Variants in MYO16 observed in about 807,000 individuals in gnomAD.
The protein encoded by MYO16 is unconventional myosin-XVI.
In MYO16, 94 loss-of-function variants were observed where a neutral mutation model predicts 205.3. The ratio of observed to expected loss-of-function variants is 0.46; its 90% confidence interval spans 0.39 to 0.54. The LOEUF is 0.54. Ranked by LOEUF, MYO16 falls within the 20% of genes least tolerant of loss-of-function variation. The pLI, the probability that MYO16 is intolerant of heterozygous loss-of-function variation, is 0.00. For synonymous variants in MYO16, 988 were observed against 954.0 expected, an observed-to-expected ratio of 1.04 and a Z score of -0.66; for missense variants, 2,315 against 2,387.5, an observed-to-expected ratio of 0.97 and a Z score of 0.63.
intron 13 of MYO16, chr13:108,886,466 A>G: frequency 2.2e-6 from 1 of 456,170 alleles, no homozygotes; most frequent in South Asian, 1.5e-5. Flanking sequence ...CGAGAGAGTA[A>G]GTGGAGTAGA....
At chr13:108,779,896 A>G (rs1886245616) in intron 4 of MYO16, 1 of 152,170 alleles carries the variant, frequency 6.6e-6, no homozygotes, top group Non-Finnish European at 1.5e-5. Flanking sequence ...AGAGCAAAAC[A>G]TGGGTCGACC....
At chr13:108,701,806 A>G (rs1883317991) in intron 2 of MYO16, among the ~76,000 whole-genome samples, 1 of 152,160 alleles carries the variant, frequency 6.6e-6, no homozygotes, top group African/African-American at 2.4e-5. Context: ...AAAGAAAATT[A>G]TGTCTAAATC....
intron 12 of MYO16, among the ~76,000 whole-genome samples, chr13:108,870,887 C>T (rs1879017313): frequency 1.3e-5 from 2 of 152,002 alleles, no homozygotes; most frequent in South Asian, 2.1e-4. Context: ...TTAAATGTAG[C>T]TTTACTGAAT....
chr13:108,754,269 GAC>G (rs1317583513), intron 4 of MYO16, among the ~76,000 whole-genome samples: 1 of 151,548 alleles, frequency 6.6e-6, no homozygotes, highest in Non-Finnish European at 1.5e-5. Flanking sequence ...TAGCATGAAA[GAC>G]AAGCTGTAGC....
At chr13:108,540,646 T>A in the MYO16 span, among the ~76,000 whole-genome samples, 1 of 152,208 alleles carries the variant, frequency 6.6e-6, no homozygotes, top group South Asian at 2.1e-4. Flanking sequence ...ATAATATGAA[T>A]AATTTTTGCT....
At chr13:108,990,854 A>G (rs532571637) in intron 20 of MYO16, among the ~76,000 whole-genome samples, 62 of 152,208 alleles carry the variant, frequency 4.1e-4, no homozygotes, top group Non-Finnish European at 7.2e-4. Flanking sequence ...GAAGTGATGT[A>G]TTATAGACCC....
intron 33 of MYO16, 97 bp downstream of exon 33, chr13:109,165,156 G>A (rs911176359): frequency 3.4e-6 from 3 of 889,448 alleles, no homozygotes; most frequent in Admixed American, 2.9e-5. Flanking sequence ...ATGAAGTAGG[G>A]TTAAGAACTG....
the MYO16 span, among the ~76,000 whole-genome samples, chr13:108,498,994 C>T: frequency 6.6e-6 from 1 of 152,188 alleles, no homozygotes; most frequent in African/African-American, 2.4e-5. Flanking sequence ...GGGTGATTAG[C>T]ACCCTGTAAC....
chr13:108,990,133 C>A (rs961772938), intron 20 of MYO16, among the ~76,000 whole-genome samples: 2 of 142,544 alleles, frequency 1.4e-5, no homozygotes, highest in Non-Finnish European at 3.0e-5. Flanking sequence ...TGATGCAGCT[C>A]ATCACACAGA....
At chr13:108,499,824 G>T in the MYO16 span, among the ~76,000 whole-genome samples, 1 of 152,122 alleles carries the variant, frequency 6.6e-6, no homozygotes, top group Non-Finnish European at 1.5e-5. Flanking sequence ...CTTGTTCTTT[G>T]TAATTTCTGT....
chr13:109,048,336 AG>A, intron 24 of MYO16: 1 of 758,302 alleles, frequency 1.3e-6, no homozygotes, highest in Admixed American at 1.8e-5. Context: ...TTTATTCTTT[AG>A]GAGGAAGGTG....
intron 32 of MYO16, among the ~76,000 whole-genome samples, chr13:109,146,813 G>T (rs1191768145): frequency 2.8e-5 from 4 of 142,014 alleles, no homozygotes; most frequent in Admixed American, 2.8e-4. Flanking sequence ...AGAAAGAAGA[G>T]AGAAAGAAAG....
At chr13:108,925,327 G>A (rs1377851347) in intron 16 of MYO16, among the ~76,000 whole-genome samples, 3 of 152,122 alleles carry the variant, frequency 2.0e-5, no homozygotes, top group Admixed American at 6.5e-5. Context: ...ACCGAGCTCC[G>A]CCACTCCTCT....
In MYO16 at chr13:108,793,408, G is replaced by A. The variant is rs1319090079; in HGVS notation, c.617-108G>A. The A allele has an allele frequency of 1.3e-5, 14 of 1,053,592 alleles. No homozygotes were observed. In the Admixed American group the frequency reaches 3.3e-4, roughly 25 times the overall value. 65.3% of individuals were successfully genotyped at this position (1,053,592 alleles called of 1,614,324 possible). On this transcript the variant is annotated intron_variant, in intron 5 of 34. Coordinates refer to ENST00000457511, the MANE Select transcript of MYO16 (RefSeq NM_001198950.3). ...AATGAGTGTTCAAAGTGGAAGAGAA[G>A]CTTCAAAGAAAAACACATTGAAAGA...
intron 1 of MYO16, among the ~76,000 whole-genome samples, chr13:108,651,179 T>G (rs946813502): frequency 5.3e-5 from 8 of 152,256 alleles, no homozygotes; most frequent in Admixed American, 5.2e-4. Flanking sequence ...ACCTGGCCGG[T>G]GGGTGCCCTG....
At chr13:108,909,214 G>A (rs927365560) in intron 15 of MYO16, among the ~76,000 whole-genome samples, 1 of 151,952 alleles carries the variant, frequency 6.6e-6, no homozygotes, top group Admixed American at 6.6e-5. Context: ...CATCTTTTTG[G>A]CGTTGTTGAT....
chr13:108,746,873 A>G (rs1158528533), intron 4 of MYO16, among the ~76,000 whole-genome samples: 2 of 152,174 alleles, frequency 1.3e-5, no homozygotes, highest in Non-Finnish European at 2.9e-5. Context: ...TGAAATGCTG[A>G]ATACCAAACA....
chr13:108,629,789 T>C lies in MYO16; in HGVS notation c.-56T>C. ...GTAATGCATTTCCTGGGAACGACAG[T>C]TGTGACAGAAGAGAATGCTGGAACC... On this transcript the variant is annotated 5_prime_UTR_variant, in exon 1 of 35. Coordinates refer to ENST00000457511, the MANE Select transcript of MYO16 (RefSeq NM_001198950.3). The C allele has an allele frequency of 1.3e-6, 2 of 1,493,634 alleles. No individual in the cohort carries two copies. The highest frequency in any genetic ancestry group is 1.8e-6 in the Non-Finnish European group (2 of 1,110,978). The allele number at this position is 1,493,634 out of a possible 1,614,324, so 92.5% of individuals were successfully genotyped here.
chr13:108,714,737 G>C (rs961110188), intron 3 of MYO16, among the ~76,000 whole-genome samples: 3 of 151,880 alleles, frequency 2.0e-5, no homozygotes, highest in African/African-American at 7.3e-5. Context: ...CTTTATTTTT[G>C]TCCCTAACAA....
Sources: gnomAD v4.1 joint callset for allele counts (sites outside exome capture counted in the v4.1 genomes callset) on GRCh38, gnomAD v4.1.1 for gene constraint, MANE v1.5 for transcripts, NCBI Gene and HGNC (gene_info 2026-07-23, HGNC 2026-07-21) for gene names.